The following PSD3 variants were observed in gnomAD, a reference collection of about 807,000 sequenced individuals.
PSD3 encodes PH and SEC7 domain-containing protein 3.
PSD3 carries 49 observed loss-of-function variants against 105.5 expected under a neutral mutation model. That is an observed-to-expected ratio of 0.46 (90% confidence interval 0.37 to 0.59). PSD3 has a LOEUF of 0.59. Ranked by LOEUF, PSD3 falls within the 20% of genes least tolerant of loss-of-function variation. PSD3 has a pLI of 0.00. For synonymous variants in PSD3, 557 were observed against 457.8 expected (o/e 1.22, Z -2.77); for missense variants, 1,561 against 1,263.8 (o/e 1.24, Z -3.57).
chr8:19,045,506 G>T (rs779923243), intron 1 of PSD3, among the ~76,000 whole-genome samples: 2 of 152,188 alleles, frequency 1.3e-5, no homozygotes, highest in Non-Finnish European at 2.9e-5. Context: ...CTAAGCAACA[G>T]CACAGATCTC....
chr8:18,681,739 T>A (rs1439675019), intron 9 of PSD3, among the ~76,000 whole-genome samples: 1 of 152,060 alleles, frequency 6.6e-6, no homozygotes, highest in African/African-American at 2.4e-5. Context: ...TGATAGAATA[T>A]TCTATTCTAC....
chr8:18,818,812 T>C (rs1812442200), intron 4 of PSD3, among the ~76,000 whole-genome samples: 2 of 152,144 alleles, frequency 1.3e-5, no homozygotes, highest in Non-Finnish European at 2.9e-5. Context: ...AATCTTATAT[T>C]AGTGACAGTC....
At chr8:18,752,546 T>TA (rs562574903) in intron 9 of PSD3, among the ~76,000 whole-genome samples, 1 of 17,732 alleles carries the variant, frequency 5.6e-5, no homozygotes, top group African/African-American at 2.0e-4. Flanking sequence ...ATTATATATA[T>TA]TATATATAAT....
intron 9 of PSD3, among the ~76,000 whole-genome samples, chr8:18,761,954 T>A (rs1439892021): frequency 6.6e-6 from 1 of 152,146 alleles, no homozygotes; most frequent in African/African-American, 2.4e-5. Flanking sequence ...CTTGATTTGG[T>A]CATGTAGTTG....
intron 4 of PSD3, among the ~76,000 whole-genome samples, chr8:18,823,295 C>G (rs551455915): frequency 1.3e-5 from 2 of 152,236 alleles, no homozygotes; most frequent in Admixed American, 6.5e-5. Context: ...GTCATCTAGA[C>G]AGTCTAAGTT....
rs557230983 is a variant in PSD3, at chr8:18,817,993, G to A, written c.1635-13095C>T. 7.9e-3 allele frequency among the ~76,000 whole-genome samples: 1,208 copies of A among 152,176 alleles called. 3 individuals are homozygous for A. Among genetic ancestry groups the A allele is most frequent in the Non-Finnish European group, 0.013 (882 of 68,006 alleles). On this transcript the variant is annotated intron_variant, in intron 4 of 15. Transcript: ENST00000327040. ...TTTTGAGACGGAGTCTCACTCTGTC[G>A]CCCAGGCTGGAGTGCAGTGGCGCGA...
intron 9 of PSD3, among the ~76,000 whole-genome samples, chr8:18,711,197 C>T (rs1028702333): frequency 1.6e-4 from 24 of 152,240 alleles, no homozygotes; most frequent in African/African-American, 5.8e-4. Context: ...CTGAAGTACA[C>T]AGACCAATAA....
chr8:18,920,906 A>G (rs1820968432), intron 2 of PSD3, among the ~76,000 whole-genome samples: 1 of 152,176 alleles, frequency 6.6e-6, no homozygotes, highest in Admixed American at 6.5e-5. Flanking sequence ...AGGCTATAGT[A>G]TTATTTTCCC....
intron 1 of PSD3, among the ~76,000 whole-genome samples, chr8:19,083,425 G>A (rs6651479): frequency 0.87 from 131,944 of 152,170 alleles, 57,260 homozygotes; most frequent in East Asian, 0.95. Context: ...GGCAGAGCCC[G>A]TAGAGCTGGA....
chr8:18,536,011 G>C (rs1347145783), intron 15 of PSD3, 53 bp from the exon 16 acceptor site: 1 of 1,523,600 alleles, frequency 6.6e-7, no homozygotes, highest in Non-Finnish European at 9.1e-7. Context: ...CAAAATGCAC[G>C]TGTGCAGCAC....
intron 4 of PSD3, among the ~76,000 whole-genome samples, chr8:18,834,560 T>C (rs1813940838): frequency 6.6e-6 from 1 of 152,268 alleles, no homozygotes; most frequent in East Asian, 1.9e-4. Flanking sequence ...GACCAGCTGA[T>C]AAAACTGATC....
At chr8:18,777,077 C>G (rs1390423708) in intron 8 of PSD3, among the ~76,000 whole-genome samples, 1 of 152,092 alleles carries the variant, frequency 6.6e-6, no homozygotes, top group African/African-American at 2.4e-5. Flanking sequence ...GAGTCTACCT[C>G]TATTGCCCAG....
rs1563513425 is a variant in PSD3, at chr8:19,020,076, CT to C, written c.324+64129del. On this transcript the variant is annotated intron_variant, in intron 1 of 1. Coordinates refer to the PSD3 transcript ENST00000521475. ...ATTATCCTTCTTATGGGTAGTTATT[CT>C]TTCATTCATTCATGTGACAAATATT... Among the ~76,000 whole-genome samples the C allele has an allele frequency of 2.6e-5, 4 of 152,066 alleles. No individual in the cohort carries two copies. In the East Asian group the frequency reaches 7.7e-4, roughly 29 times the overall value.
rs1456521656 is a variant in PSD3, at chr8:18,775,481, CT to C, written c.2083-9944del. Among the ~76,000 whole-genome samples, 4 of 152,270 alleles carry C rather than the reference CT, an allele frequency of 2.6e-5. No homozygotes were observed. In the South Asian group the frequency reaches 6.2e-4, roughly 24 times the overall value. On this transcript the variant is annotated intron_variant, in intron 8 of 15. Coordinates refer to ENST00000327040, the MANE Select transcript of PSD3 (RefSeq NM_015310.4). Reference sequence around the variant, plus strand: ...TCAGAGAGTGTATGAGTTTCCCTTTCTTTTCATTCTGGCCAGCACTCATTGT... The same window carrying C: ...TCAGAGAGTGTATGAGTTTCCCTTTCTTTCATTCTGGCCAGCACTCATTGT...
At chr8:18,881,859 A>C (rs1200449487) in intron 2 of PSD3, among the ~76,000 whole-genome samples, 1 of 152,212 alleles carries the variant, frequency 6.6e-6, no homozygotes, top group Non-Finnish European at 1.5e-5. Context: ...CAAAATGGGT[A>C]TTTTTGTTGA....
chr8:19,029,703 G>T (rs891665719), intron 1 of PSD3, among the ~76,000 whole-genome samples: 7 of 152,142 alleles, frequency 4.6e-5, no homozygotes. Context: ...GATGAGATTT[G>T]GGTGGGGACA....
At chr8:19,082,000 G>T (rs574966534) in intron 1 of PSD3, among the ~76,000 whole-genome samples, 1 of 152,180 alleles carries the variant, frequency 6.6e-6, no homozygotes, top group Non-Finnish European at 1.5e-5. Flanking sequence ...TGGTCAAGAA[G>T]ATATTATATT....
chr8:18,543,030 C>G (rs539597856), intron 15 of PSD3, among the ~76,000 whole-genome samples: 31 of 152,220 alleles, frequency 2.0e-4, no homozygotes, highest in African/African-American at 7.2e-4. Flanking sequence ...AGAAAAATAA[C>G]TTGGGATGGA....
chr8:18,536,782 A>ATCAATATAT (rs1212547512), intron 15 of PSD3, among the ~76,000 whole-genome samples: 1 of 151,810 alleles, frequency 6.6e-6, no homozygotes, highest in East Asian at 1.9e-4. Context: ...TTCTATCCCA[A>ATCAATATAT]TCAATATATA....
Sources: gnomAD v4.1 joint callset for allele counts (sites outside exome capture counted in the v4.1 genomes callset) on GRCh38, gnomAD v4.1.1 for gene constraint, MANE v1.5 for transcripts, NCBI Gene and HGNC (gene_info 2026-07-23, HGNC 2026-07-21) for gene names.